The following NAA25 variants were observed in gnomAD, a reference collection of about 807,000 sequenced individuals.
The protein encoded by NAA25 is N-alpha-acetyltransferase 25, NatB auxiliary subunit.
Under a neutral mutation model 132.5 loss-of-function variants are expected in NAA25, and 30 were observed. The ratio of observed to expected loss-of-function variants is 0.23; its 90% CI spans 0.17 to 0.31. NAA25 has a LOEUF of 0.31. NAA25 is among the 10% of genes least tolerant of loss of function. The probability of loss-of-function intolerance (pLI) is 1.00; values close to 1 mark genes in which losing one functional copy is unlikely to be tolerated. For synonymous variants in NAA25, 359 were observed against 401.9 expected, an observed-to-expected ratio of 0.89 and a Z score of 1.28; for missense variants, 771 against 1,150.4, an observed-to-expected ratio of 0.67 and a Z score of 4.77.
At chr12:112,085,211 C>T (rs1363058491) in intron 4 of NAA25, among the ~76,000 whole-genome samples, 2 of 152,020 alleles carry the variant, frequency 1.3e-5, no homozygotes, top group Non-Finnish European at 2.9e-5. Context: ...GCCTGGGCGA[C>T]AGAGCAAGAC....
intron 12 of NAA25, among the ~76,000 whole-genome samples, chr12:112,060,859 C>T (rs528240876): frequency 6.6e-6 from 1 of 152,256 alleles, no homozygotes; most frequent in South Asian, 2.1e-4. Flanking sequence ...TGTTCACTTA[C>T]AGTCTATATA....
chr12:112,041,982 G>C (rs369877319), intron 20 of NAA25, 57 bp downstream of exon 20: 1 of 1,057,228 alleles, frequency 9.5e-7, no homozygotes. Flanking sequence ...AAAGAACTTC[G>C]AAGCTATTGC....
chr12:112,100,306 C>T (rs1012814426), intron 1 of NAA25, among the ~76,000 whole-genome samples: 1 of 152,126 alleles, frequency 6.6e-6, no homozygotes, highest in African/African-American at 2.4e-5. Context: ...GGACTACAGG[C>T]TCGTACCACC....
chr12:112,078,484 C>T, intron 6 of NAA25, 150 bp downstream of exon 6: 1 of 735,070 alleles, frequency 1.4e-6, no homozygotes, highest in Non-Finnish European at 2.3e-6. Context: ...AGTGATTAGA[C>T]CTACGCTGAG....
At chr12:112,052,616 AT>A (rs2078483375) in intron 15 of NAA25, among the ~76,000 whole-genome samples, 1 of 152,216 alleles carries the variant, frequency 6.6e-6, no homozygotes. Context: ...AAATGCTTCT[AT>A]TTAATACAAT....
At chr12:112,053,920 A>G (rs907329901) in intron 14 of NAA25, among the ~76,000 whole-genome samples, 1 of 152,118 alleles carries the variant, frequency 6.6e-6, no homozygotes, top group Non-Finnish European at 1.5e-5. Context: ...TTAATGACAC[A>G]TAAAAGTTCT....
chr12:112,101,382 G>A (rs2079293212), intron 1 of NAA25, among the ~76,000 whole-genome samples: 1 of 152,070 alleles, frequency 6.6e-6, no homozygotes. Flanking sequence ...CTCAATAAAT[G>A]TTGAATGAAG....
chr12:112,080,810 T>A (rs2078963569), intron 5 of NAA25, among the ~76,000 whole-genome samples: 1 of 152,066 alleles, frequency 6.6e-6, no homozygotes, highest in Admixed American at 6.6e-5. Flanking sequence ...AAAAATAAAT[T>A]TTTTTTAATT....
intron 23 of NAA25, among the ~76,000 whole-genome samples, chr12:112,030,940 T>TA (rs145777382): frequency 0.14 from 20,786 of 143,920 alleles, 1,743 homozygotes; most frequent in East Asian, 0.29. Context: ...AAACTGAATT[T>TA]AAAATTTTTT....
In NAA25 at chr12:112,049,380, AAC is replaced by A. The variant is rs2078430724; in HGVS notation, c.1729-939_1729-938del. The A allele has an allele frequency of 1.1e-6, 1 of 898,034 alleles. No individual in the cohort carries two copies. The highest frequency in any genetic ancestry group is 1.3e-6 in the Non-Finnish European group (1 of 750,160). 55.6% of individuals were successfully genotyped at this position (898,034 alleles called of 1,614,324 possible). Reference sequence around the variant, plus strand: ...CCCAAAAAAGATCCTTTCTAGAAAAAACAGTCTTTTTACACAGCCTCAGTTAA... The same window carrying A: ...CCCAAAAAAGATCCTTTCTAGAAAAAAGTCTTTTTACACAGCCTCAGTTAA... On this transcript the variant is annotated intron_variant, in intron 15 of 23. Coordinates refer to ENST00000261745, the MANE Select transcript of NAA25 (RefSeq NM_024953.4). This position sits in a 1 kb window ranked among gnomAD's most constrained non-coding sequence, Gnocchi z 4.7.
chr12:112,108,484 G>T lies in NAA25; in HGVS notation c.58+232C>A, dbSNP rs563164601. Among the ~76,000 whole-genome samples the T allele has an allele frequency of 2.6e-5, 4 of 152,256 alleles. No homozygotes were observed. In the South Asian group the frequency reaches 8.3e-4, roughly 31 times the overall value. ...CCCACGGGGCCTGCCAAGCAGGCCAGCTCTGCCGACCAGCTGCTGCCCAGA... is the reference window on the plus strand; with the variant it reads ...CCCACGGGGCCTGCCAAGCAGGCCATCTCTGCCGACCAGCTGCTGCCCAGA... On this transcript the variant is annotated intron_variant, in intron 1 of 23. Coordinates refer to ENST00000261745, the MANE Select transcript of NAA25 (RefSeq NM_024953.4).
chr12:112,051,910 T>C (rs991550778), intron 15 of NAA25, among the ~76,000 whole-genome samples: 2 of 152,240 alleles, frequency 1.3e-5, no homozygotes, highest in African/African-American at 2.4e-5. Flanking sequence ...TGTGTCTTTA[T>C]TGACCACATC....
chr12:112,038,861 C>T (rs916101227), intron 22 of NAA25, among the ~76,000 whole-genome samples: 5 of 152,112 alleles, frequency 3.3e-5, no homozygotes, highest in Non-Finnish European at 7.3e-5. Context: ...CGCCTGTAAT[C>T]CCAGCTACTC....
chr12:112,088,623 CTT>C (rs58148161), intron 3 of NAA25, among the ~76,000 whole-genome samples: 45 of 131,912 alleles, frequency 3.4e-4, no homozygotes, highest in Non-Finnish European at 3.6e-4. Context: ...ACAGAAAGTG[CTT>C]TTTTTTTTTT....
chr12:112,047,832 T>C (rs1411691610), intron 16 of NAA25, 42 bp from the exon 17 acceptor site: 2 of 1,549,300 alleles, frequency 1.3e-6, no homozygotes, highest in Non-Finnish European at 1.8e-6. Flanking sequence ...AATAGTAAAA[T>C]AGCCAGAAAA....
intron 15 of NAA25, among the ~76,000 whole-genome samples, chr12:112,051,409 C>A (rs1457897573): frequency 2.0e-5 from 3 of 152,120 alleles, no homozygotes; most frequent in Non-Finnish European, 4.4e-5. Flanking sequence ...TGGGGTTTCA[C>A]CACGTTGGCC....
chr12:112,072,944 G>C (rs2078836476), intron 9 of NAA25, among the ~76,000 whole-genome samples: 1 of 149,984 alleles, frequency 6.7e-6, no homozygotes. Context: ...ATCTCAAAAA[G>C]AAAAAAAGGC....
intron 11 of NAA25, among the ~76,000 whole-genome samples, chr12:112,067,618 G>A (rs1477643513): frequency 1.3e-5 from 2 of 152,112 alleles, no homozygotes; most frequent in African/African-American, 4.8e-5. Context: ...GCTGAGGCAC[G>A]AGGATCACTG....
At chr12:112,069,998 A>C (rs7977861) in intron 10 of NAA25, among the ~76,000 whole-genome samples, 32,106 of 146,860 alleles carry the variant, frequency 0.22, 5,479 homozygotes, top group East Asian at 0.85. Flanking sequence ...TGTGGTGGCG[A>C]TCGCCTGTAA....
Sources: allele counts gnomAD v4.1 joint callset (sites outside exome capture counted in the v4.1 genomes callset), GRCh38; gene constraint gnomAD v4.1.1; non-coding constraint Gnocchi (gnomAD v3.1); transcripts MANE v1.5; gene names NCBI Gene and HGNC (gene_info 2026-07-23, HGNC 2026-07-21).